The following EPHA7 variants were observed in gnomAD, a reference collection of about 807,000 sequenced individuals.
EPHA7 encodes ephrin type-A receptor 7.
Under a neutral mutation model 112.6 loss-of-function variants are expected in EPHA7, and 25 were observed. The observed-to-expected ratio is 0.22, with a 90% CI of 0.16 to 0.31. EPHA7 has a LOEUF of 0.31. EPHA7 is among the 10% of genes least tolerant of loss of function. The probability of loss-of-function intolerance (pLI) is 1.00; values close to 1 mark genes in which losing one functional copy is unlikely to be tolerated. For missense variants in EPHA7, 962 were observed against 1,212.6 expected, an observed-to-expected ratio of 0.79 and a Z score of 3.07; for synonymous variants, 437 against 406.5, an observed-to-expected ratio of 1.07 and a Z score of -0.90.
intron 5 of EPHA7, among the ~76,000 whole-genome samples, chr6:93,314,247 T>A (rs981416051): frequency 2.6e-5 from 4 of 152,176 alleles, no homozygotes; most frequent in Non-Finnish European, 4.4e-5. Context: ...AGAACTGTTA[T>A]ATGGCAAAAA....
chr6:93,401,781 T>C (rs934172306), intron 3 of EPHA7, among the ~76,000 whole-genome samples: 1 of 151,928 alleles, frequency 6.6e-6, no homozygotes, highest in Non-Finnish European at 1.5e-5. Flanking sequence ...CTGAAATCTT[T>C]CCTTTGGTAT....
At position 93,321,660 on chromosome 6, in the gene EPHA7, C is replaced by T. The variant is rs767797556; in HGVS notation, c.1324+35057G>A. Among the ~76,000 whole-genome samples the T allele has an allele frequency of 7.2e-5, 11 of 151,846 alleles. No individual in the cohort carries two copies. In the East Asian group the frequency reaches 1.2e-3, roughly 16 times the overall value. On this transcript the variant is annotated intron_variant, in intron 5 of 16. Coordinates refer to ENST00000369303, the MANE Select transcript of EPHA7 (RefSeq NM_004440.4). The stretch of plus-strand genomic sequence containing the variant: ...CATTTCTGACCCCACTGGGCACTTA[C>T]GCATCTTCAGCAAGAACAGGGAAGT...
chr6:93,353,703 T>C (rs1775804860), intron 5 of EPHA7, among the ~76,000 whole-genome samples: 1 of 152,154 alleles, frequency 6.6e-6, no homozygotes, highest in Non-Finnish European at 1.5e-5. Flanking sequence ...CTTAACATGA[T>C]AATACAGGAA....
chr6:93,390,569 CAAA>C (rs200332323), intron 3 of EPHA7, among the ~76,000 whole-genome samples: 4 of 85,780 alleles, frequency 4.7e-5, no homozygotes, highest in Non-Finnish European at 2.6e-5. Context: ...TCAGCCAGGA[CAAA>C]AAAAAAAAAA....
At chr6:93,395,755 G>A (rs1582662717) in intron 3 of EPHA7, among the ~76,000 whole-genome samples, 2 of 151,864 alleles carry the variant, frequency 1.3e-5, no homozygotes, top group East Asian at 1.9e-4. Flanking sequence ...AACAGAAGAG[G>A]CTTAGTTCCT....
chr6:93,282,829 G>A (rs1771824747), intron 5 of EPHA7, among the ~76,000 whole-genome samples: 1 of 152,158 alleles, frequency 6.6e-6, no homozygotes, highest in Non-Finnish European at 1.5e-5. Flanking sequence ...GGCCTTAGCT[G>A]CCTCCCTGCA....
chr6:93,261,807 T>G (rs2127864107), intron 9 of EPHA7, among the ~76,000 whole-genome samples: 1 of 151,628 alleles, frequency 6.6e-6, no homozygotes, highest in African/African-American at 2.4e-5. Flanking sequence ...CAACTATATA[T>G]TTTCTAATTA....
chr6:93,256,471 G>A (rs1582398556), intron 12 of EPHA7, among the ~76,000 whole-genome samples: 1 of 152,084 alleles, frequency 6.6e-6, no homozygotes, highest in East Asian at 1.9e-4. Flanking sequence ...AAAGAGCAAC[G>A]GGGGAAATAT....
chr6:93,296,724 T>C (rs1476842603), intron 5 of EPHA7, among the ~76,000 whole-genome samples: 1 of 151,642 alleles, frequency 6.6e-6, no homozygotes, highest in African/African-American at 2.4e-5. Flanking sequence ...ATGATGCAGG[T>C]CAGAGGCTAG....
At chr6:93,347,701 T>G (rs1345119176) in intron 5 of EPHA7, among the ~76,000 whole-genome samples, 2 of 151,840 alleles carry the variant, frequency 1.3e-5, no homozygotes, top group Admixed American at 1.3e-4. Context: ...TTTCAGTTTC[T>G]GCTGAAGCCT....
At chr6:93,272,445 T>A (rs1291460916) in intron 5 of EPHA7, 23 bp from the exon 6 acceptor site, 2 of 1,610,318 alleles carry the variant, frequency 1.2e-6, no homozygotes, top group Non-Finnish European at 1.7e-6. Context: ...GATGTGTCAA[T>A]AAACAATGAG....
At chr6:93,253,522 A>C (rs1017442888) in intron 14 of EPHA7, among the ~76,000 whole-genome samples, 3 of 152,104 alleles carry the variant, frequency 2.0e-5, no homozygotes, top group African/African-American at 7.2e-5. Context: ...TTTTCCTTAA[A>C]CACTACTTAT....
chr6:93,242,920 G>A lies in EPHA7; in HGVS notation c.*506C>T. On this transcript the variant is annotated 3_prime_UTR_variant, in exon 17 of 17. Transcript: ENST00000369303. ...GATTCTTTCAAAGGTACCCAGTGTA[G>A]TAATGTTACAGATTTAACACTAAAA... is the stretch of plus-strand genomic sequence containing the variant. 4.6e-6 allele frequency: 1 copy of A among 217,408 alleles called. No individual in the cohort carries two copies. Among genetic ancestry groups the A allele is most frequent in the Non-Finnish European group, 9.3e-6 (1 of 107,904 alleles). The allele number at this position is 217,408 out of a possible 1,614,324, so 13.5% of individuals were successfully genotyped here.
At chr6:93,326,930 C>T (rs1373301790) in intron 5 of EPHA7, among the ~76,000 whole-genome samples, 1 of 151,572 alleles carries the variant, frequency 6.6e-6, no homozygotes, top group Admixed American at 6.6e-5. Flanking sequence ...CTTAGCCAAA[C>T]CCATTCTTTC....
chr6:93,355,324 A>G (rs1450244032), intron 5 of EPHA7, among the ~76,000 whole-genome samples: 3 of 152,264 alleles, frequency 2.0e-5, no homozygotes, highest in African/African-American at 7.2e-5. Flanking sequence ...AAAACCCACT[A>G]ATTTGTTAAA....
At chr6:93,380,618 G>C (rs957243042) in intron 3 of EPHA7, among the ~76,000 whole-genome samples, 37 of 152,062 alleles carry the variant, frequency 2.4e-4, no homozygotes, top group Non-Finnish European at 1.2e-4. Context: ...TGAAATTCAA[G>C]GAAATGCTGC....
intron 5 of EPHA7, among the ~76,000 whole-genome samples, chr6:93,325,420 C>T (rs539294855): frequency 7.3e-5 from 11 of 151,218 alleles, no homozygotes; most frequent in East Asian, 1.9e-4. Flanking sequence ...ACCAGTGATG[C>T]GCAAGTGACT....
chr6:93,303,937 G>A (rs926100083), intron 5 of EPHA7, among the ~76,000 whole-genome samples: 5 of 152,040 alleles, frequency 3.3e-5, no homozygotes, highest in Non-Finnish European at 1.5e-5. Flanking sequence ...TACCTGACTA[G>A]CACTTAATAT....
intron 9 of EPHA7, among the ~76,000 whole-genome samples, 165 bp downstream of exon 9, chr6:93,263,695 A>C (rs559471621): frequency 7.3e-5 from 11 of 151,644 alleles, no homozygotes; most frequent in Non-Finnish European, 1.5e-4. Flanking sequence ...TTCACATCAC[A>C]TGATTTTAAT....
Sources: gnomAD v4.1 joint callset for allele counts (sites outside exome capture counted in the v4.1 genomes callset) on GRCh38, gnomAD v4.1.1 for gene constraint, MANE v1.5 for transcripts, NCBI Gene and HGNC (gene_info 2026-07-23, HGNC 2026-07-21) for gene names.